The following GRXCR2 variants were observed in gnomAD, a reference collection of about 807,000 sequenced individuals.
The protein encoded by GRXCR2 is glutaredoxin and cysteine rich domain containing 2, also known as glutaredoxin domain-containing cysteine-rich protein 2.
A neutral mutation model predicts 24.8 loss-of-function variants in GRXCR2; 23 were observed. The observed-to-expected ratio is 0.93, with a 90% confidence interval of 0.67 to 1.32. The LOEUF is 1.32. Among genes scored for constraint, GRXCR2 ranks in the 40% most tolerant of loss-of-function variants. GRXCR2 has a pLI of 0.00. For synonymous variants in GRXCR2, 130 were observed against 116.1 expected (o/e 1.12, Z -0.77); for missense variants, 315 against 303.4 (o/e 1.04, Z -0.28).
intron 2 of GRXCR2, among the ~76,000 whole-genome samples, chr5:145,910,470 G>T (rs1284963890): frequency 6.6e-6 from 1 of 151,978 alleles, no homozygotes; most frequent in Non-Finnish European, 1.5e-5. Context: ...AGCATTAATA[G>T]TAATATAATT....
chr5:145,874,849 A>G (rs1756588222), upstream of GRXCR2, among the ~76,000 whole-genome samples: 1 of 152,072 alleles, frequency 6.6e-6, no homozygotes, highest in South Asian at 2.1e-4. Context: ...TGTTCCAGTT[A>G]CACCAACAAG....
chr5:145,929,863 G>A (rs891620314), intron 2 of GRXCR2, among the ~76,000 whole-genome samples: 1 of 152,000 alleles, frequency 6.6e-6, no homozygotes, highest in Non-Finnish European at 1.5e-5. Context: ...GCACAGAAAT[G>A]GGGAGATTTC....
chr5:145,879,880 T>A (rs2149914957), intron 2 of GRXCR2, among the ~76,000 whole-genome samples: 1 of 152,264 alleles, frequency 6.6e-6, no homozygotes, highest in Non-Finnish European at 1.5e-5. Flanking sequence ...GAACTCAGGA[T>A]TAAGAAACTC....
chr5:145,930,051 T>G (rs1360323843), intron 2 of GRXCR2, among the ~76,000 whole-genome samples: 2 of 152,070 alleles, frequency 1.3e-5, no homozygotes, highest in East Asian at 1.9e-4. Flanking sequence ...GCCTCAGTTT[T>G]GGGCTAGTCT....
intron 2 of GRXCR2, 75 bp from the exon 3 acceptor site, chr5:145,859,990 T>C: frequency 1.6e-6 from 2 of 1,228,320 alleles, no homozygotes; most frequent in Non-Finnish European, 2.2e-6. Flanking sequence ...AAAACAGCAC[T>C]AGACTACAGC....
chr5:145,904,380 C>T (rs1315797452), intron 2 of GRXCR2, among the ~76,000 whole-genome samples: 1 of 152,102 alleles, frequency 6.6e-6, no homozygotes, highest in Non-Finnish European at 1.5e-5. Context: ...ATGGTTTTCC[C>T]TAGGCCTTAA....
At chr5:145,887,268 A>T (rs541426480) in intron 2 of GRXCR2, among the ~76,000 whole-genome samples, 13 of 152,260 alleles carry the variant, frequency 8.5e-5, no homozygotes, top group African/African-American at 1.4e-4. Context: ...GGCTATTTTT[A>T]AAATTTTTTT....
At chr5:145,884,036 C>A (rs1217764475) in intron 2 of GRXCR2, among the ~76,000 whole-genome samples, 1 of 152,170 alleles carries the variant, frequency 6.6e-6, no homozygotes, top group Non-Finnish European at 1.5e-5. Context: ...TGTGATGCTT[C>A]ATTTACAAAC....
At chr5:145,882,497 C>T (rs900927148) in intron 2 of GRXCR2, among the ~76,000 whole-genome samples, 4 of 152,062 alleles carry the variant, frequency 2.6e-5, no homozygotes, top group Non-Finnish European at 4.4e-5. Flanking sequence ...ATTAGAATGG[C>T]GATAACTAAA....
At chr5:145,899,279 C>T (rs1756992884) in intron 2 of GRXCR2, among the ~76,000 whole-genome samples, 1 of 152,112 alleles carries the variant, frequency 6.6e-6, no homozygotes, top group Admixed American at 6.6e-5. Flanking sequence ...AGTGTAAAAA[C>T]ATTCCATACT....
intron 2 of GRXCR2, among the ~76,000 whole-genome samples, chr5:145,909,863 G>T (rs1757140786): frequency 6.6e-6 from 1 of 152,082 alleles, no homozygotes; most frequent in South Asian, 2.1e-4. Flanking sequence ...CTGATCTCTT[G>T]ATTTATATAT....
At chr5:145,918,901 G>A (rs1757280339) in intron 2 of GRXCR2, among the ~76,000 whole-genome samples, 1 of 152,180 alleles carries the variant, frequency 6.6e-6, no homozygotes, top group Non-Finnish European at 1.5e-5. Flanking sequence ...AACAGACTTG[G>A]TTCCCTTCTG....
At chr5:145,869,278 T>G (rs1274286343) in intron 1 of GRXCR2, among the ~76,000 whole-genome samples, 1 of 152,228 alleles carries the variant, frequency 6.6e-6, no homozygotes, top group African/African-American at 2.4e-5. Flanking sequence ...CATAGAAATG[T>G]TGTGAAGATG....
chr5:145,895,530 T>C (rs61251670), intron 2 of GRXCR2, among the ~76,000 whole-genome samples: 2 of 152,144 alleles, frequency 1.3e-5, no homozygotes, highest in East Asian at 3.9e-4. Flanking sequence ...TCCCATTTAC[T>C]ATTGCTTCAA....
At position 145,905,757 on chromosome 5, in the gene GRXCR2, C is replaced by T. The variant is rs1295458664; in HGVS notation, c.-70+29944G>A. Among the ~76,000 whole-genome samples the T allele has an allele frequency of 3.9e-5, 6 of 152,028 alleles. No individual in the cohort carries two copies. In the South Asian group the frequency reaches 1.0e-3, roughly 26 times the overall value. ...TTGGCTTTTATATGCATAGAGGAGG[C>T]AAAATGCATTCAGGAGAGCAGTCAC... On this transcript the variant is annotated intron_variant, in intron 2 of 3. Transcript: ENST00000639411.
At chr5:145,904,922 T>C (rs1396116078) in intron 2 of GRXCR2, among the ~76,000 whole-genome samples, 1 of 152,054 alleles carries the variant, frequency 6.6e-6, no homozygotes, top group Non-Finnish European at 1.5e-5. Context: ...GCTTGGGCTT[T>C]TTAGGGTGTA....
chr5:145,861,275 T>C (rs187452568), intron 2 of GRXCR2, among the ~76,000 whole-genome samples: 1 of 152,256 alleles, frequency 6.6e-6, no homozygotes, highest in East Asian at 1.9e-4. Context: ...TAGAAAGCAA[T>C]CAGGAAACCT....
rs79322242 is a variant in GRXCR2, at chr5:145,859,114, A to T, written c.*619T>A. The T allele has an allele frequency of 0.011, 1,659 of 152,750 alleles. 11 individuals are homozygous for T. Among genetic ancestry groups the T allele is most frequent in the Non-Finnish European group, 0.02 (1,362 of 68,332 alleles). 9.5% of individuals were successfully genotyped at this position (152,750 alleles called of 1,614,324 possible). A position where few individuals can be genotyped will look rare whatever the true frequency, so the allele number is the denominator to read the frequency against. Reference sequence around the variant, plus strand: ...CTTGACTTAAGAAATAGTATTGCTCACTGTCTGCATAAATATTATCCAAAC... The same window carrying T: ...CTTGACTTAAGAAATAGTATTGCTCTCTGTCTGCATAAATATTATCCAAAC... On this transcript the variant is annotated 3_prime_UTR_variant, in exon 3 of 3. Coordinates refer to ENST00000377976, the MANE Select transcript of GRXCR2 (RefSeq NM_001080516.2).
chr5:145,893,910 G>C (rs1756908695), intron 2 of GRXCR2, among the ~76,000 whole-genome samples: 1 of 151,970 alleles, frequency 6.6e-6, no homozygotes, highest in Non-Finnish European at 1.5e-5. Context: ...AAATGTAAAA[G>C]AACAGAAATT....
Sources: gnomAD v4.1 joint callset for allele counts (sites outside exome capture counted in the v4.1 genomes callset) on GRCh38, gnomAD v4.1.1 for gene constraint, MANE v1.5 for transcripts, NCBI Gene and HGNC (gene_info 2026-07-23, HGNC 2026-07-21) for gene names.